Variants in ZEB2 observed in about 807,000 individuals in gnomAD.
The protein encoded by ZEB2 is zinc finger E-box binding homeobox 2, also known as zinc finger E-box-binding homeobox 2.
ZEB2 carries 6 observed loss-of-function variants against 99.9 expected under a neutral mutation model. The ratio of observed to expected loss-of-function variants is 0.06; its 90% CI spans 0.03 to 0.12. ZEB2 has a LOEUF of 0.12. Ranked by LOEUF, ZEB2 falls within the 10% of genes least tolerant of loss-of-function variation. ZEB2 has a pLI of 1.00. For synonymous variants in ZEB2, 517 were observed against 542.5 expected (o/e 0.95, Z 0.65); for missense variants, 969 against 1,502.8 (o/e 0.64, Z 5.87).
intron 4 of ZEB2, among the ~76,000 whole-genome samples, chr2:144,409,804 G>A (rs969801174): frequency 2.0e-5 from 3 of 152,052 alleles, no homozygotes; most frequent in Non-Finnish European, 4.4e-5. Flanking sequence ...TAGCAGAAAC[G>A]CTTGAGCTTG....
In ZEB2 at chr2:144,398,877, T is replaced by C; in HGVS notation, c.2310A>G (p.Lys770=). The change falls in exon 8 of 10, where the codon AAA becomes AAG. Residue 770 remains lysine, a synonymous_variant. Transcript: ENST00000627532. ...TGGAGTGGTCCAATTTTTCAACTGG[T>C]TTAATATTGGTAAAATGGGAAGGTT... ...LTKPSHFTNI[K]PVEKLDHSRS... 1.2e-6 allele frequency: 2 copies of C among 1,614,070 alleles called. No individual in the cohort carries two copies. The highest frequency in any genetic ancestry group is 1.7e-6 in the Non-Finnish European group (2 of 1,180,000).
chr2:144,487,438 A>T (rs1704614134), intron 2 of ZEB2, among the ~76,000 whole-genome samples: 4 of 152,182 alleles, frequency 2.6e-5, no homozygotes, highest in Admixed American at 2.0e-4. Context: ...TTGACACTGA[A>T]TATTAAGTAT....
At position 144,386,230 on chromosome 2, in the gene ZEB2, T is replaced by C. The variant is rs1251711380; in HGVS notation, c.*3221A>G. The C allele has an allele frequency of 6.6e-6, 1 of 152,178 alleles. No individual in the cohort carries two copies. The highest frequency in any genetic ancestry group is 1.5e-5 in the Non-Finnish European group (1 of 68,008). 9.4% of individuals were successfully genotyped at this position (152,178 alleles called of 1,614,324 possible). ...AGTTGATAAAACAGAAGAACACATC[T>C]GATGTTACTAAAATGCACATCTCTT... On this transcript the variant is annotated 3_prime_UTR_variant, in exon 10 of 10. Coordinates refer to ENST00000627532, the MANE Select transcript of ZEB2 (RefSeq NM_014795.4).
rs1371551607 is a variant in ZEB2, at chr2:144,501,637, G to A, written c.73+15641C>T. 2.0e-5 allele frequency among the ~76,000 whole-genome samples: 3 copies of A among 152,170 alleles called. 1 individual carries two copies. The highest frequency in any genetic ancestry group is 4.4e-5 in the Non-Finnish European group (3 of 68,018). On this transcript the variant is annotated intron_variant, in intron 2 of 9. Transcript: ENST00000627532. ...ATAGGGGTTGGGGGTTGGGGAAGGA[G>A]GACTATTTGGATGAACTGCTGTTTG...
At position 144,424,809 on chromosome 2, in the gene ZEB2, A is replaced by T. The variant is rs769872104; in HGVS notation, c.390T>A (p.Ile130=). 6.2e-7 allele frequency: 1 copy of T among 1,614,048 alleles called. No individual in the cohort carries two copies. The highest frequency in any genetic ancestry group is 1.1e-5 in the South Asian group (1 of 91,084). Residue 130 remains isoleucine (I), a synonymous_variant, in exon 4 of 10, where the codon ATT becomes ATA. Transcript: ENST00000627532. ...AACATAACTCACCTGTACCATTGTT[A>T]ATTGCGGTCTGGATCGTGGCTTCTG... ...MGPEATIQTA[I]NNGTVKNANC...
intron 2 of ZEB2, among the ~76,000 whole-genome samples, chr2:144,440,513 ATATTTTTTTTTT>A (rs1470354208): frequency 0.039 from 927 of 23,606 alleles, 2 homozygotes; most frequent in East Asian, 0.13. Context: ...ATATATATAT[ATATTTTTTTTTT>A]TTTTTTTTTT....
chr2:144,412,144 C>T (rs1396017198), intron 4 of ZEB2, among the ~76,000 whole-genome samples: 1 of 152,162 alleles, frequency 6.6e-6, no homozygotes, highest in Non-Finnish European at 1.5e-5. Context: ...TGGCACATGC[C>T]TATAATCCCA....
intron 8 of ZEB2, chr2:144,397,805 T>TC: frequency 3.8e-6 from 1 of 264,482 alleles, no homozygotes. Flanking sequence ...TACACCCAGC[T>TC]AATTTTTGTA....
At chr2:144,418,666 C>G (rs966910307) in intron 4 of ZEB2, among the ~76,000 whole-genome samples, 8 of 146,592 alleles carry the variant, frequency 5.5e-5, no homozygotes, top group African/African-American at 1.8e-4. Flanking sequence ...CCAGCCCGGG[C>G]AAAAAGAGCG....
At chr2:144,434,137 C>T (rs990371217) in intron 2 of ZEB2, among the ~76,000 whole-genome samples, 1 of 152,136 alleles carries the variant, frequency 6.6e-6, no homozygotes, top group African/African-American at 2.4e-5. Context: ...GGCAATACTT[C>T]GTCTTCACCA....
At chr2:144,425,679 G>C (rs902492216) in intron 3 of ZEB2, among the ~76,000 whole-genome samples, 1 of 151,982 alleles carries the variant, frequency 6.6e-6, no homozygotes, top group Non-Finnish European at 1.5e-5. Flanking sequence ...TGAAAAATAG[G>C]GGCACTCTCA....
intron 3 of ZEB2, chr2:144,426,465 G>C (rs1703691594): frequency 1.3e-5 from 2 of 151,224 alleles, no homozygotes; most frequent in African/African-American, 2.4e-5. Context: ...TTCCATCTGA[G>C]AGCACATCAA....
At chr2:144,462,787 G>C (rs1371544445) in intron 2 of ZEB2, 2 of 152,182 alleles carry the variant, frequency 1.3e-5, no homozygotes, top group African/African-American at 4.8e-5. Flanking sequence ...GTGAAGCAGT[G>C]CAGTTGTGAA....
At chr2:144,515,628 C>T (rs1221781389) in intron 2 of ZEB2, among the ~76,000 whole-genome samples, 1 of 151,788 alleles carries the variant, frequency 6.6e-6, no homozygotes, top group Non-Finnish European at 1.5e-5. Context: ...TTCTGTAATA[C>T]TAAGCCAAGC....
Position 144,388,790 on chromosome 2 carries a change from GCTTT to G in ZEB2, c.*657_*660del, listed in dbSNP as rs869206626. The G allele has an allele frequency of 1.2e-5, 5 of 426,452 alleles. No individual in the cohort carries two copies. The highest frequency in any genetic ancestry group is 7.2e-5 in the East Asian group (1 of 13,958). 26.4% of individuals were successfully genotyped at this position (426,452 alleles called of 1,614,324 possible). A position where few individuals can be genotyped will look rare whatever the true frequency, so the allele number is the denominator to read the frequency against. On this transcript the variant is annotated 3_prime_UTR_variant, in exon 10 of 10. Coordinates refer to ENST00000627532, the MANE Select transcript of ZEB2 (RefSeq NM_014795.4). This position sits in a 1 kb window ranked among gnomAD's most constrained non-coding sequence, Gnocchi z 5.4. ...AGGCTTTTAAAACCACCTTACAAAG[GCTTT>G]CTTTATTTCTCATCTTACTTTTTCC...
At chr2:144,397,187 A>C (rs997643481) in intron 8 of ZEB2, among the ~76,000 whole-genome samples, 1 of 152,366 alleles carries the variant, frequency 6.6e-6, no homozygotes, top group East Asian at 1.9e-4. Context: ...AATGTGGATC[A>C]GTAAATTATT....
intron 2 of ZEB2, among the ~76,000 whole-genome samples, chr2:144,503,337 G>A (rs1704901193): frequency 6.6e-6 from 1 of 152,180 alleles, no homozygotes; most frequent in Non-Finnish European, 1.5e-5. Flanking sequence ...ACTGTGACAA[G>A]GCCAATATGC....
chr2:144,492,149 A>G (rs1704689167), intron 2 of ZEB2, among the ~76,000 whole-genome samples: 1 of 152,246 alleles, frequency 6.6e-6, no homozygotes, highest in African/African-American at 2.4e-5. Flanking sequence ...TTCACTAAAA[A>G]AGATGATGGG....
At chr2:144,403,603 TAATGTATAATTA>T (rs769483405) in intron 6 of ZEB2, among the ~76,000 whole-genome samples, 12 of 152,194 alleles carry the variant, frequency 7.9e-5, no homozygotes, top group Non-Finnish European at 1.5e-4. Context: ...AGATGTTTAA[TAATGTATAATTA>T]AAATGCTACA....
Sources: allele counts gnomAD v4.1 joint callset (sites outside exome capture counted in the v4.1 genomes callset), GRCh38; gene constraint gnomAD v4.1.1; non-coding constraint Gnocchi (gnomAD v3.1); transcripts MANE v1.5; gene names NCBI Gene and HGNC (gene_info 2026-07-23, HGNC 2026-07-21).